CLUH: variants seen among roughly 807,000 people sequenced by gnomAD.
The protein encoded by CLUH is CLUH binding protein of NUMT mRNA, also known as clustered mitochondria protein homolog.
Under a neutral mutation model 139.3 loss-of-function variants are expected in CLUH, and 77 were observed. That is an observed-to-expected ratio of 0.55 (90% CI 0.46 to 0.67). The LOEUF (loss-of-function observed/expected upper bound fraction) is 0.67, where lower values mean the gene tolerates loss of function less well. CLUH is among the 30% of genes least tolerant of loss of function. The pLI, the probability that CLUH is intolerant of heterozygous loss-of-function variation, is 0.00. For synonymous variants in CLUH, 999 were observed against 801.6 expected (o/e 1.25, Z -4.16); for missense variants, 1,876 against 1,875.8 (o/e 1.00, Z 0.00).
chr17:2,692,610 C>T lies in CLUH; in HGVS notation c.3399G>A (p.Leu1133=). The change falls in exon 21 of 26, where the codon CTG becomes CTA. Residue 1133 remains leucine (L), a synonymous_variant. Coordinates refer to ENST00000651024, the MANE Select transcript of CLUH (RefSeq NM_001366661.1). ...TCTCGGGGTGGTCTTCCCCGAACAC[C>T]AGCAGCATGAGGTAGCGGGCGCGGT... ...LLYRARYLML[L]VFGEDHPEMA... is the part of the protein sequence containing the mutation. The T allele has an allele frequency of 6.2e-7, 1 of 1,612,902 alleles. No homozygotes were observed. Among genetic ancestry groups the T allele is most frequent in the Non-Finnish European group, 8.5e-7 (1 of 1,179,610 alleles).
Position 2,692,350 on chromosome 17 carries a change from C to T in CLUH, c.3560+11G>A, listed in dbSNP as rs772945474. 1.2e-4 allele frequency: 190 copies of T among 1,553,500 alleles called. 1 individual carries two copies. The Admixed American group carries it at 3.5e-3, about 28-fold the overall frequency. On this transcript the variant is annotated intron_variant, in intron 22 of 25. Coordinates refer to ENST00000651024, the MANE Select transcript of CLUH (RefSeq NM_001366661.1). The stretch of plus-strand genomic sequence containing the variant: ...CCGCCGGCCTTGGCGTTTGGACGGG[C>T]GGCCCCTCACCTGAGGGCCACCTTG...
intron 10 of CLUH, among the ~76,000 whole-genome samples, chr17:2,697,329 G>A (rs867490669): frequency 1.3e-5 from 2 of 152,122 alleles, no homozygotes; most frequent in Middle Eastern, 6.8e-3. Context: ...AACCCGGGAG[G>A]CAGAGGTTGC....
At position 2,690,728 on chromosome 17, in the gene CLUH, G is replaced by C. The variant is rs1358307209; in HGVS notation, c.3913C>G (p.Leu1305Val). 8 of 1,557,328 alleles carry C rather than the reference G, an allele frequency of 5.1e-6. No homozygotes were observed. The highest frequency in any genetic ancestry group is 6.9e-6 in the Non-Finnish European group (8 of 1,159,688). ...LKAEVARRHQLQEASRNRDRA... is the reference protein window; with the variant it reads ...LKAEVARRHQVQEASRNRDRA... ...TCCCTGTTTCTGCTGGCCTCCTGGAGCTGGTGCCGCCGCGCCACCTCGGCT... is the reference window on the plus strand; with the variant it reads ...TCCCTGTTTCTGCTGGCCTCCTGGACCTGGTGCCGCCGCGCCACCTCGGCT... Residue 1305 changes from leucine to valine, a missense_variant, in exon 26 of 26, where the codon CTC (leucine) becomes GTC (valine). Around this residue, in one of 3 missense-constraint regions of CLUH, gnomAD observed 1,454 missense variants for 1,384.4 expected, o/e 1.05. Transcript: ENST00000651024.
chr17:2,693,839 C>T (rs1447403143), intron 19 of CLUH, 61 bp downstream of exon 19: 1 of 1,541,882 alleles, frequency 6.5e-7, no homozygotes, highest in Non-Finnish European at 8.7e-7. Flanking sequence ...CGTCAGGGGC[C>T]CCCTCACTCC....
chr17:2,700,139 T>C (rs9891031), intron 9 of CLUH, among the ~76,000 whole-genome samples: 116,127 of 152,218 alleles, frequency 0.76, 44,481 homozygotes, highest in East Asian at 0.9. Context: ...TCAGTCCCTA[T>C]GGGAAGTAGG....
Position 2,707,128 on chromosome 17 carries a change from C to T in CLUH, c.101-2564G>A. ...CACCCCTGGATGAAGGCTGAGCGAT[C>T]TCCCCCGCAGGCAGCTGGCTGGCTC... On this transcript the variant is annotated intron_variant, in intron 1 of 25. Transcript: ENST00000651024. The surrounding 1 kb of genome is among the most constrained non-coding windows in gnomAD (Gnocchi z 7.4). The T allele has an allele frequency of 1.0e-6, 1 of 970,406 alleles. No individual in the cohort carries two copies. The highest frequency in any genetic ancestry group is 1.2e-6 in the Non-Finnish European group (1 of 816,234). 60.1% of individuals were successfully genotyped at this position (970,406 alleles called of 1,614,324 possible).
Position 2,696,778 on chromosome 17 carries a change from G to A in CLUH, c.2126C>T (p.Ala709Val), listed in dbSNP as rs2069963354. 6.2e-7 allele frequency: 1 copy of A among 1,612,954 alleles called. No homozygotes were observed. Among genetic ancestry groups the A allele is most frequent in the Non-Finnish European group, 8.5e-7 (1 of 1,179,878 alleles). ...EAGSEEEGSS[A>V]SGLAKVKELA... Reference sequence around the variant, plus strand: ...CTCCTTCACCTTGGCCAGGCCGCTGGCGCTGCTACCCTCCTCCTCACTTCC... The same window carrying A: ...CTCCTTCACCTTGGCCAGGCCGCTGACGCTGCTACCCTCCTCCTCACTTCC... Residue 709 changes from alanine to valine, a missense_variant, in exon 11 of 26, where the codon GCC (alanine) becomes GTC (valine). Coordinates refer to ENST00000651024, the MANE Select transcript of CLUH (RefSeq NM_001366661.1).
Position 2,692,431 on chromosome 17 carries a change from G to T in CLUH, c.3490C>A (p.Arg1164Ser), listed in dbSNP as rs1253634243. 3.1e-6 allele frequency: 5 copies of T among 1,600,092 alleles called. No individual in the cohort carries two copies. The highest frequency in any genetic ancestry group is 1.3e-5 in the African/African-American group (1 of 75,024). Residue 1164 changes from arginine to serine, a missense_variant, in exon 22 of 26, where the codon CGC becomes AGC. By Grantham distance (110) the Arg-to-Ser change is moderately radical. Transcript: ENST00000651024. ...ACGGCCAGCGCGTTCTCCAGGAAGC[G>T]CAGCGACAGGTCGTACTCCATCACC... is the stretch of plus-strand genomic sequence containing the variant. ...HGVMEYDLSLRFLENALAVST... is the reference protein window; with the variant it reads ...HGVMEYDLSLSFLENALAVST...
At position 2,690,372 on chromosome 17, in the gene CLUH, T is replaced by G. The variant is rs1432754935; in HGVS notation, c.*222A>C. 4 of 436,472 alleles carry G rather than the reference T, an allele frequency of 9.2e-6. No individual in the cohort carries two copies. Among genetic ancestry groups the G allele is most frequent in the Admixed American group, 4.3e-5 (1 of 23,028 alleles). The allele number at this position is 436,472 out of a possible 1,614,324, so 27.0% of individuals were successfully genotyped here. ...GATGGCCGCACACGCCATTCACGTG[T>G]CTCCAATGGGGCCTCTGCATCATCT... On this transcript the variant is annotated 3_prime_UTR_variant, in exon 26 of 26. Coordinates refer to ENST00000651024, the MANE Select transcript of CLUH (RefSeq NM_001366661.1).
Position 2,694,440 on chromosome 17 carries a change from A to ACAGCGGGGACG in CLUH, c.2937+39_2937+40insCGTCCCCGCTG, listed in dbSNP as rs766196692. 4.6e-5 allele frequency: 27 copies of ACAGCGGGGACG among 590,642 alleles called. No homozygotes were observed. The African/African-American group carries it at 9.8e-4, about 22-fold the overall frequency. The allele number at this position is 590,642 out of a possible 1,614,324, so 36.6% of individuals were successfully genotyped here. On this transcript the variant is annotated intron_variant, in intron 17 of 25. Coordinates refer to ENST00000651024, the MANE Select transcript of CLUH (RefSeq NM_001366661.1). ...CCTGCAGCAGGGACGCAGCGGGGAC[A>ACAGCGGGGACG]CAGCGGGGACACAGCGGGGATGCTG...
At chr17:2,694,667 T>C (rs111689901) in intron 16 of CLUH, 103 bp from the exon 17 acceptor site, 2 of 1,176,576 alleles carry the variant, frequency 1.7e-6, no homozygotes, top group South Asian at 2.8e-5. Context: ...CCCCCAACAC[T>C]GCCCCACCCG....
In CLUH at chr17:2,695,375, A is replaced by G. The variant is rs770555752; in HGVS notation, c.2543T>C (p.Phe848Ser). ...SPARHQLDHV[F>S]KIGIGELITR... is the part of the protein sequence containing the mutation. ...CGCCCCACCCCGGGCAGCACTCACAAAGACGTGGTCCAGCTGGTGGCGGGC... is the reference window on the plus strand; with the variant it reads ...CGCCCCACCCCGGGCAGCACTCACAGAGACGTGGTCCAGCTGGTGGCGGGC... The change falls in exon 14 of 26, where the codon TTT (phenylalanine) becomes TCT (serine). Residue 848 changes from phenylalanine (F) to serine (S), a missense_variant and splice_region_variant. Physicochemically the swap from Phe to Ser is radical, Grantham distance 155. Around this residue, in one of 3 missense-constraint regions of CLUH, gnomAD observed 1,454 missense variants for 1,384.4 expected, o/e 1.05. Transcript: ENST00000651024. The G allele has an allele frequency of 1.2e-6, 2 of 1,612,768 alleles. No homozygotes were observed. Among genetic ancestry groups the G allele is most frequent in the South Asian group, 1.1e-5 (1 of 91,042 alleles).
chr17:2,710,185 C>T (rs969555889), intron 1 of CLUH, among the ~76,000 whole-genome samples: 8 of 152,236 alleles, frequency 5.3e-5, no homozygotes, highest in Non-Finnish European at 1.2e-4. Flanking sequence ...GGGCAAGTCA[C>T]TTCGACTCTT....
At position 2,690,624 on chromosome 17, in the gene CLUH, G is replaced by A. The variant is rs1555529038; in HGVS notation, c.4017C>T (p.Ala1339=). The change falls in exon 26 of 26, where the codon GCC becomes GCT. Residue 1339 remains alanine (A), a synonymous_variant. Coordinates refer to ENST00000651024, the MANE Select transcript of CLUH (RefSeq NM_001366661.1). The stretch of plus-strand genomic sequence containing the variant: ...CCTGCACGCTCGGAGAAGGGTCCTT[G>A]GCAGCCGGGGGCTGGGAGCCCAGGT... The part of the protein sequence containing the change: ...PGDLGSQPPA[A]KDPSPSVQG The A allele has an allele frequency of 2.0e-6, 3 of 1,503,744 alleles. No individual in the cohort carries two copies. Among genetic ancestry groups the A allele is most frequent in the Non-Finnish European group, 2.6e-6 (3 of 1,132,398 alleles). 93.2% of individuals were successfully genotyped at this position (1,503,744 alleles called of 1,614,324 possible). A position where few individuals can be genotyped will look rare whatever the true frequency, so the allele number is the denominator to read the frequency against.
chr17:2,693,226 T>C (rs2069785746), intron 19 of CLUH, among the ~76,000 whole-genome samples: 1 of 138,518 alleles, frequency 7.2e-6, no homozygotes, highest in Non-Finnish European at 1.5e-5. Context: ...TGAAACCCCA[T>C]CTCTACTAAA....
Position 2,707,094 on chromosome 17 carries a change from AGGT to A in CLUH, c.101-2533_101-2531del, listed in dbSNP as rs1482182979. The A allele has an allele frequency of 3.6e-6, 3 of 842,622 alleles. No homozygotes were observed. In the African/African-American group the frequency reaches 5.5e-5, roughly 15 times the overall value. The allele number at this position is 842,622 out of a possible 1,614,324, so 52.2% of individuals were successfully genotyped here. A position where few individuals can be genotyped will look rare whatever the true frequency, so the allele number is the denominator to read the frequency against. ...TAATCCTTCCTCCTAGGAACCCCGA[AGGT>A]CTCCCCACCCCTGGATGAAGGCTGA... On this transcript the variant is annotated intron_variant, in intron 1 of 25. Transcript: ENST00000651024. The surrounding 1 kb of genome is among the most constrained non-coding windows in gnomAD (Gnocchi z 7.4).
At position 2,694,011 on chromosome 17, in the gene CLUH, G is replaced by A; in HGVS notation, c.3120C>T (p.Ile1040=). The part of the protein sequence containing the change: ...QGFLKEGCEL[I]NEALNLFNNV... ...TGTTAAACAGGTTCAGGGCCTCATT[G>A]ATGAGCTCACAGCCCTCCTTCAGGA... The change falls in exon 19 of 26, where the codon ATC becomes ATT. Residue 1040 remains isoleucine, a synonymous_variant. Transcript: ENST00000651024. 2 of 1,613,936 alleles carry A rather than the reference G, an allele frequency of 1.2e-6. No individual in the cohort carries two copies. Among genetic ancestry groups the A allele is most frequent in the South Asian group, 2.2e-5 (2 of 91,080 alleles).
chr17:2,703,534 C>T lies in CLUH; in HGVS notation c.304-45G>A, dbSNP rs369305571. 112 of 1,591,380 alleles carry T rather than the reference C, an allele frequency of 7.0e-5. No individual in the cohort carries two copies. Among genetic ancestry groups the T allele is most frequent in the South Asian group, 5.8e-4 (52 of 89,448 alleles). ...CCCACCCCGGTGAGAGAGCACGTAGCGGGGAGAGAAGGCCCCAACCGCCCC... is the reference window on the plus strand; with the variant it reads ...CCCACCCCGGTGAGAGAGCACGTAGTGGGGAGAGAAGGCCCCAACCGCCCC... On this transcript the variant is annotated intron_variant, in intron 2 of 25. Coordinates refer to ENST00000651024, the MANE Select transcript of CLUH (RefSeq NM_001366661.1). This position sits in a 1 kb window ranked among gnomAD's most constrained non-coding sequence, Gnocchi z 4.2.
chr17:2,711,594 T>A lies in CLUH; in HGVS notation c.68A>T (p.Gln23Leu). ...GCCCGGCCGCCCCTTGCCCCCGGCC[T>A]GCGAGCCGTGTTCCCGGGCGCTGTC... is the stretch of plus-strand genomic sequence containing the variant. ...PADSAREHGS[Q>L]AGGKGRPGAA... Residue 23 changes from glutamine (Q) to leucine (L), a missense_variant, in exon 1 of 26, where the codon CAG (glutamine) becomes CTG (leucine). Physicochemically the swap from Gln to Leu is moderately radical, Grantham distance 113. Coordinates refer to ENST00000651024, the MANE Select transcript of CLUH (RefSeq NM_001366661.1). 1 of 979,954 alleles carries A rather than the reference T, an allele frequency of 1.0e-6. No homozygotes were observed. Among genetic ancestry groups the A allele is most frequent in the Non-Finnish European group, 1.2e-6 (1 of 828,198 alleles). 60.7% of individuals were successfully genotyped at this position (979,954 alleles called of 1,614,324 possible).
Sources: gnomAD v4.1 joint callset for allele counts (sites outside exome capture counted in the v4.1 genomes callset) on GRCh38, gnomAD v4.1.1 for gene constraint, gnomAD v4.1.1 regional missense constraint, Gnocchi (gnomAD v3.1) non-coding constraint, MANE v1.5 for transcripts, NCBI Gene and HGNC (gene_info 2026-07-23, HGNC 2026-07-21) for gene names.